Variants in AMOTL1 observed in about 807,000 individuals in gnomAD.
The protein encoded by AMOTL1 is angiomotin like 1.
AMOTL1 carries 45 observed loss-of-function variants against 102.9 expected under a neutral mutation model. That is an observed-to-expected ratio of 0.44 (90% CI 0.34 to 0.56). The LOEUF is 0.56. Among genes scored for constraint, AMOTL1 ranks in the 20% least tolerant of loss-of-function variants. The pLI, the probability that AMOTL1 is intolerant of heterozygous loss-of-function variation, is 0.01. For synonymous variants in AMOTL1, 481 were observed against 484.7 expected, an observed-to-expected ratio of 0.99 and a Z score of 0.10; for missense variants, 1,114 against 1,225.6, an observed-to-expected ratio of 0.91 and a Z score of 1.36.
chr11:94,714,969 T>C (rs1023047073), intron 1 of AMOTL1, among the ~76,000 whole-genome samples: 3 of 152,138 alleles, frequency 2.0e-5, no homozygotes, highest in African/African-American at 7.2e-5. Flanking sequence ...ATTACTGACT[T>C]GCGATTATTT....
intron 1 of AMOTL1, among the ~76,000 whole-genome samples, chr11:94,718,063 T>A (rs2135438512): frequency 6.6e-6 from 1 of 152,130 alleles, no homozygotes; most frequent in Non-Finnish European, 1.5e-5. Context: ...TGCTTCATAC[T>A]CTCAAGCTTG....
intron 1 of AMOTL1, among the ~76,000 whole-genome samples, chr11:94,710,731 T>A (rs116075644): frequency 0.012 from 1,903 of 152,330 alleles, 45 homozygotes; most frequent in African/African-American, 0.043. Flanking sequence ...ACATTCTGAA[T>A]ATCTCTTCTA....
chr11:94,820,111 A>G (rs1951836927), intron 3 of AMOTL1, among the ~76,000 whole-genome samples: 1 of 152,186 alleles, frequency 6.6e-6, no homozygotes, highest in Non-Finnish European at 1.5e-5. Context: ...TTCCCACTTC[A>G]TTAAATGGTG....
intron 1 of AMOTL1, among the ~76,000 whole-genome samples, chr11:94,707,887 C>A (rs1949956281): frequency 6.6e-6 from 1 of 152,166 alleles, no homozygotes; most frequent in Non-Finnish European, 1.5e-5. Context: ...AGATATTACC[C>A]TAGTTTAAAG....
rs1356211737 is a variant in AMOTL1 at position 94,855,652 on chromosome 11, C to T, written c.1944+1570C>T. 3.9e-5 allele frequency among the ~76,000 whole-genome samples: 6 copies of T among 152,206 alleles called. No homozygotes were observed. The South Asian group carries it at 1.0e-3, about 26-fold the overall frequency. On this transcript the variant is annotated intron_variant, in intron 8 of 12. Transcript: ENST00000433060. Reference sequence around the variant, plus strand: ...CTAAAGTTAGATTACTTCTCCTTGGCTCTTCTGAGTGCTGTGAAACCAGAC... The same window carrying T: ...CTAAAGTTAGATTACTTCTCCTTGGTTCTTCTGAGTGCTGTGAAACCAGAC...
chr11:94,868,282 A>G (rs1952922291), intron 11 of AMOTL1, among the ~76,000 whole-genome samples: 1 of 152,256 alleles, frequency 6.6e-6, no homozygotes, highest in South Asian at 2.1e-4. Context: ...AGATAAGAGA[A>G]CAAATACTTG....
chr11:94,811,347 T>A (rs1328332541), intron 3 of AMOTL1, among the ~76,000 whole-genome samples: 1 of 151,756 alleles, frequency 6.6e-6, no homozygotes, highest in African/African-American at 2.4e-5. Flanking sequence ...ACAAAAAAAT[T>A]AGCTGGGTGT....
chr11:94,861,665 T>C (rs1952776485), intron 9 of AMOTL1, among the ~76,000 whole-genome samples: 1 of 152,204 alleles, frequency 6.6e-6, no homozygotes, highest in Admixed American at 6.5e-5. Context: ...GCAGGGAACC[T>C]GACCACATTG....
At chr11:94,722,742 T>A (rs193258436) in intron 1 of AMOTL1, among the ~76,000 whole-genome samples, 1 of 152,310 alleles carries the variant, frequency 6.6e-6, no homozygotes, top group East Asian at 1.9e-4. Context: ...ATAAGCAAAT[T>A]TGCTGAAATG....
chr11:94,821,420 C>T (rs1951863461), intron 3 of AMOTL1, 110 bp from the exon 4 acceptor site: 1 of 1,173,666 alleles, frequency 8.5e-7, no homozygotes, highest in East Asian at 2.6e-5. Flanking sequence ...GGGAAGTGCA[C>T]TGATGGCCTC....
rs184543606 is a variant in AMOTL1, at chr11:94,865,635, C to A, written c.2262-307C>A. On this transcript the variant is annotated intron_variant, in intron 10 of 12. Coordinates refer to ENST00000433060, the MANE Select transcript of AMOTL1 (RefSeq NM_130847.3). ...TCCCCTACCTACCCCCGGCCCCCACCGCCAATGCTAGACCCTCTAAATATG... is the reference window on the plus strand; with the variant it reads ...TCCCCTACCTACCCCCGGCCCCCACAGCCAATGCTAGACCCTCTAAATATG... 2.3e-3 allele frequency among the ~76,000 whole-genome samples: 354 copies of A among 152,296 alleles called. 1 individual carries two copies. Among genetic ancestry groups the A allele is most frequent in the Non-Finnish European group, 4.1e-3 (276 of 68,026 alleles).
intron 2 of AMOTL1, among the ~76,000 whole-genome samples, chr11:94,735,610 A>T (rs770483220): frequency 4.3e-4 from 66 of 152,216 alleles, no homozygotes; most frequent in Admixed American, 2.0e-4. Flanking sequence ...GGAGTGGAGC[A>T]AAATTTCATT....
At chr11:94,812,582 T>C (rs1413884560) in intron 3 of AMOTL1, among the ~76,000 whole-genome samples, 2 of 152,308 alleles carry the variant, frequency 1.3e-5, no homozygotes, top group Non-Finnish European at 2.9e-5. Flanking sequence ...AGGAATTTCC[T>C]TGTGGGCAAA....
intron 3 of AMOTL1, among the ~76,000 whole-genome samples, chr11:94,758,593 T>A (rs1476764764): frequency 6.6e-6 from 1 of 152,224 alleles, no homozygotes; most frequent in African/African-American, 2.4e-5. Context: ...GCCAGCACTG[T>A]CATGAGCCTC....
intron 1 of AMOTL1, among the ~76,000 whole-genome samples, chr11:94,784,624 C>T (rs1951156332): frequency 6.6e-6 from 1 of 152,064 alleles, no homozygotes; most frequent in East Asian, 1.9e-4. Context: ...TTTACTTATC[C>T]ATTATTTTTT....
intron 6 of AMOTL1, among the ~76,000 whole-genome samples, chr11:94,848,762 C>G (rs1225798725): frequency 1.3e-5 from 2 of 152,324 alleles, no homozygotes; most frequent in Non-Finnish European, 2.9e-5. Flanking sequence ...ATATTTGCAG[C>G]CTTACAGTGT....
At chr11:94,753,607 A>C (rs774166658) in intron 3 of AMOTL1, among the ~76,000 whole-genome samples, 139 of 152,302 alleles carry the variant, frequency 9.1e-4, no homozygotes, top group Middle Eastern at 3.4e-3. Context: ...TGAAGCTAAG[A>C]CAAGTTAAAT....
chr11:94,726,958 G>T (rs913801617), intron 1 of AMOTL1, among the ~76,000 whole-genome samples: 1 of 152,162 alleles, frequency 6.6e-6, no homozygotes, highest in Non-Finnish European at 1.5e-5. Context: ...AGGGGTTGCA[G>T]GTTGAAGTTA....
At chr11:94,707,818 T>C (rs1490591224) in intron 1 of AMOTL1, among the ~76,000 whole-genome samples, 6 of 152,174 alleles carry the variant, frequency 3.9e-5, no homozygotes, top group African/African-American at 1.4e-4. Flanking sequence ...TGGGAACACA[T>C]TCAGCAGATT....
Sources: allele counts gnomAD v4.1 joint callset (sites outside exome capture counted in the v4.1 genomes callset), GRCh38; gene constraint gnomAD v4.1.1; transcripts MANE v1.5; gene names NCBI Gene and HGNC (gene_info 2026-07-23, HGNC 2026-07-21).